TRPM6: variants seen among roughly 807,000 people sequenced by gnomAD.
TRPM6 encodes the protein transient receptor potential cation channel subfamily M member 6, also known as channel kinase 2.
In TRPM6, 111 loss-of-function variants were observed where a neutral mutation model predicts 247.6. The observed-to-expected ratio is 0.45, with a 90% CI of 0.38 to 0.52. TRPM6 has a LOEUF of 0.52. TRPM6 is among the 20% of genes least tolerant of loss of function. TRPM6 has a pLI of 0.00. For missense variants in TRPM6, 2,126 were observed against 2,421.5 expected, an observed-to-expected ratio of 0.88 and a Z score of 2.56; for synonymous variants, 892 against 853.8, an observed-to-expected ratio of 1.04 and a Z score of -0.78.
intron 11 of TRPM6, among the ~76,000 whole-genome samples, chr9:74,813,812 C>A (rs541620560): frequency 6.6e-6 from 1 of 152,270 alleles, no homozygotes; most frequent in South Asian, 2.1e-4. Flanking sequence ...ATATCGTATT[C>A]TGGGCCGGGC....
rs537970861 is a variant in TRPM6, at chr9:74,724,734, T to C, written c.5948A>G (p.Asn1983Ser). 6.2e-7 allele frequency: 1 copy of C among 1,614,214 alleles called. No homozygotes were observed. Among genetic ancestry groups the C allele is most frequent in the African/African-American group, 1.3e-5 (1 of 75,070 alleles). ...RKLKLPDLKRNDYSPERINST... is the reference protein window; with the variant it reads ...RKLKLPDLKRSDYSPERINST... The stretch of plus-strand genomic sequence containing the variant: ...ATTTATCCTTTCAGGGGAATAGTCA[T>C]TTCTTTTTAAATCTGCAAGGAGGAC... The change falls in exon 39 of 39, where the codon AAT becomes AGT. Residue 1983 changes from asparagine (N) to serine (S), a missense_variant. By Grantham distance (46) the Asn-to-Ser change is conservative (BLOSUM62 1). Transcript: ENST00000360774.
intron 14 of TRPM6, among the ~76,000 whole-genome samples, chr9:74,807,800 T>C (rs1176423576): frequency 1.3e-5 from 2 of 152,250 alleles, no homozygotes; most frequent in Non-Finnish European, 1.5e-5. Context: ...TTTTGTATTA[T>C]GGCTAGTTAC....
chr9:74,739,009 A>C (rs1456605617), intron 35 of TRPM6, among the ~76,000 whole-genome samples: 2 of 152,232 alleles, frequency 1.3e-5, no homozygotes, highest in African/African-American at 2.4e-5. Flanking sequence ...CAAAATTCCT[A>C]CTTTCTATAA....
intron 25 of TRPM6, among the ~76,000 whole-genome samples, chr9:74,770,301 T>C (rs531017867): frequency 6.6e-6 from 1 of 152,306 alleles, no homozygotes; most frequent in African/African-American, 2.4e-5. Context: ...CATGCATAAT[T>C]AGATATAATA....
rs139983565 is a variant in TRPM6 at position 74,873,998 on chromosome 9, G to A, written c.33+13826C>T. On this transcript the variant is annotated intron_variant, in intron 1 of 38. Transcript: ENST00000360774. Reference sequence around the variant, plus strand: ...CAACTGTAATGCTAGCACGTTGGGAGGCTGAGGCAGGCAGATCACCTGAGG... The same window carrying A: ...CAACTGTAATGCTAGCACGTTGGGAAGCTGAGGCAGGCAGATCACCTGAGG... Among the ~76,000 whole-genome samples the A allele has an allele frequency of 4.8e-3, 728 of 152,222 alleles. 5 individuals carry two copies. Among genetic ancestry groups the A allele is most frequent in the African/African-American group, 0.017 (703 of 41,542 alleles).
chr9:74,731,738 AC>A (rs1825529163), intron 37 of TRPM6, among the ~76,000 whole-genome samples: 1 of 149,786 alleles, frequency 6.7e-6, no homozygotes, highest in Admixed American at 6.7e-5. Flanking sequence ...TAAAACTACC[AC>A]CCAGGGGTCA....
Position 74,729,917 on chromosome 9 carries a change from C to T in TRPM6, c.5829-1572G>A, listed in dbSNP as rs569686895. ...ATGCAACACTGAATCTCAGATAAAACCTGTAAGTTAAATGATTTCCCTCTA... is the reference window on the plus strand; with the variant it reads ...ATGCAACACTGAATCTCAGATAAAATCTGTAAGTTAAATGATTTCCCTCTA... On this transcript the variant is annotated intron_variant, in intron 37 of 38. Coordinates refer to ENST00000360774, the MANE Select transcript of TRPM6 (RefSeq NM_017662.5). 2.6e-5 allele frequency among the ~76,000 whole-genome samples: 4 copies of T among 152,242 alleles called. No individual in the cohort carries two copies. The South Asian group carries it at 6.2e-4, about 24-fold the overall frequency.
chr9:74,817,800 T>C (rs1008925235), intron 9 of TRPM6, among the ~76,000 whole-genome samples: 13 of 152,142 alleles, frequency 8.5e-5, no homozygotes, highest in Admixed American at 5.2e-4. Context: ...TTAAAATACA[T>C]TTCATATAGT....
In TRPM6 at chr9:74,750,815, T is replaced by A; in HGVS notation, c.4999-93A>T. 5 of 1,152,614 alleles carry A rather than the reference T, an allele frequency of 4.3e-6. No individual in the cohort carries two copies. The South Asian group carries it at 6.2e-5, about 14-fold the overall frequency. The allele number at this position is 1,152,614 out of a possible 1,614,324, so 71.4% of individuals were successfully genotyped here. On this transcript the variant is annotated intron_variant, in intron 29 of 38. Coordinates refer to ENST00000360774, the MANE Select transcript of TRPM6 (RefSeq NM_017662.5). Reference sequence around the variant, plus strand: ...TCTGCCAAACACGCTCCTTGGAGAATCCTTCTTTTTTCTTCATCTACCTGA... The same window carrying A: ...TCTGCCAAACACGCTCCTTGGAGAAACCTTCTTTTTTCTTCATCTACCTGA...
chr9:74,846,873 C>G (rs1232453367), intron 3 of TRPM6, among the ~76,000 whole-genome samples: 1 of 152,126 alleles, frequency 6.6e-6, no homozygotes, highest in Non-Finnish European at 1.5e-5. Flanking sequence ...TTCTAAAAAG[C>G]ACACTTTTAA....
chr9:74,874,795 A>T (rs1305530714), intron 1 of TRPM6, among the ~76,000 whole-genome samples: 1 of 149,316 alleles, frequency 6.7e-6, no homozygotes, highest in Non-Finnish European at 1.5e-5. Context: ...TCACTGTGTC[A>T]CCCAGGCCAG....
At chr9:74,795,502 C>T (rs1051007591) in intron 18 of TRPM6, among the ~76,000 whole-genome samples, 6 of 152,188 alleles carry the variant, frequency 3.9e-5, no homozygotes, top group Non-Finnish European at 7.3e-5. Flanking sequence ...CGATGCTTTA[C>T]ATATACCTTG....
chr9:74,737,280 T>C (rs965833242), intron 36 of TRPM6: 1 of 900,266 alleles, frequency 1.1e-6, no homozygotes, highest in Non-Finnish European at 1.5e-6. Context: ...AATGCACTTA[T>C]ATGTAGTTTA....
chr9:74,856,506 G>A (rs1043578240), intron 2 of TRPM6, among the ~76,000 whole-genome samples: 48 of 150,930 alleles, frequency 3.2e-4, no homozygotes, highest in African/African-American at 1.2e-3. Flanking sequence ...TATTAACAGG[G>A]AAGTCTAGTT....
chr9:74,780,778 A>C (rs1827410828), intron 23 of TRPM6, among the ~76,000 whole-genome samples: 1 of 152,204 alleles, frequency 6.6e-6, no homozygotes, highest in Admixed American at 6.5e-5. Context: ...GAGGTTCAAG[A>C]GACATTAAGA....
chr9:74,750,275 C>T (rs1026064405), intron 30 of TRPM6, among the ~76,000 whole-genome samples: 2 of 152,100 alleles, frequency 1.3e-5, no homozygotes, highest in East Asian at 1.9e-4. Context: ...AAAGAATAAA[C>T]GTAATCAGGT....
intron 16 of TRPM6, among the ~76,000 whole-genome samples, chr9:74,801,485 C>G (rs1337148367): frequency 6.6e-6 from 1 of 152,142 alleles, no homozygotes; most frequent in Non-Finnish European, 1.5e-5. Flanking sequence ...CCATTACTCT[C>G]TGGCTCTTTA....
rs749488113 is a variant in TRPM6, at chr9:74,775,911, G to A, written c.3375C>T (p.His1125=). The part of the protein sequence containing the change: ...LRRLCCHRAP[H]DQEEGDVGLK... ...ATCCAACGTCACCCTCTTCTTGGTC[G>A]TGAGGAGCTCGATGACAGCACAGGC... Residue 1125 remains histidine, a synonymous_variant, in exon 24 of 39, where the codon CAC becomes CAT. Coordinates refer to ENST00000360774, the MANE Select transcript of TRPM6 (RefSeq NM_017662.5). 5.6e-6 allele frequency: 9 copies of A among 1,613,992 alleles called. No homozygotes were observed. The highest frequency in any genetic ancestry group is 4.5e-5 in the East Asian group (2 of 44,876).
At chr9:74,876,462 G>T (rs937743033) in intron 1 of TRPM6, among the ~76,000 whole-genome samples, 5 of 152,192 alleles carry the variant, frequency 3.3e-5, no homozygotes, top group African/African-American at 1.2e-4. Context: ...CACTTAAATT[G>T]CTCAAGAGTA....
Sources: allele counts gnomAD v4.1 joint callset (sites outside exome capture counted in the v4.1 genomes callset), GRCh38; gene constraint gnomAD v4.1.1; transcripts MANE v1.5; gene names NCBI Gene and HGNC (gene_info 2026-07-23, HGNC 2026-07-21).